CHFR: variants seen among roughly 807,000 people sequenced by gnomAD.
The protein encoded by CHFR is checkpoint with forkhead and ring finger domains, also known as E3 ubiquitin-protein ligase CHFR.
Under a neutral mutation model 87.6 loss-of-function variants are expected in CHFR, and 57 were observed. The ratio of observed to expected loss-of-function variants is 0.65; its 90% CI spans 0.53 to 0.81. CHFR has a LOEUF of 0.81. CHFR is among the 30% of genes least tolerant of loss of function. The probability of loss-of-function intolerance (pLI) is 0.00; values close to 1 mark genes in which losing one functional copy is unlikely to be tolerated. For missense variants in CHFR, 797 were observed against 865.8 expected, an observed-to-expected ratio of 0.92 and a Z score of 1.00; for synonymous variants, 381 against 359.2, an observed-to-expected ratio of 1.06 and a Z score of -0.69.
intron 2 of CHFR, among the ~76,000 whole-genome samples, chr12:132,879,415 G>T (rs1388500763): frequency 6.7e-6 from 1 of 149,462 alleles, no homozygotes; most frequent in Non-Finnish European, 1.5e-5. Flanking sequence ...TTTTGAGACG[G>T]AGTCTCTTTC....
At position 132,857,472 on chromosome 12, in the gene CHFR, G is replaced by A. The variant is rs115029653; in HGVS notation, c.999C>T (p.Pro333=). The change falls in exon 9 of 18, where the codon CCC becomes CCT. Residue 333 remains proline (P), a synonymous_variant. Coordinates refer to ENST00000450056, the MANE Select transcript of CHFR (RefSeq NM_001161346.2). ...RSSLCPTCRC[P]VERICKNHIL... ...TGTGGTTTTTACAGATCCGCTCCAC[G>A]GGACAGCGGCAGGTAGGACACAGGG... The A allele has an allele frequency of 1.1e-4, 184 of 1,614,182 alleles. No homozygotes were observed. In the East Asian group the frequency reaches 3.4e-3, roughly 30 times the overall value.
In CHFR at chr12:132,834,199, T is replaced by C. The variant is rs1950631983; in HGVS notation, c.*7355A>G. Reference sequence around the variant, plus strand: ...CTGGAAACAGCTCTCTTTGACAACATGAATCTGGGATGTTTGAACACCAAG... The same window carrying C: ...CTGGAAACAGCTCTCTTTGACAACACGAATCTGGGATGTTTGAACACCAAG... On this transcript the variant is annotated 3_prime_UTR_variant, in exon 18 of 18. Transcript: ENST00000450056. The C allele has an allele frequency of 6.6e-6, 1 of 152,220 alleles. No individual in the cohort carries two copies. Among genetic ancestry groups the C allele is most frequent in the Non-Finnish European group, 1.5e-5 (1 of 68,156 alleles). The allele number at this position is 152,220 out of a possible 1,614,324, so 9.4% of individuals were successfully genotyped here.
chr12:132,843,496 T>C (rs1341232895), intron 16 of CHFR, among the ~76,000 whole-genome samples: 1 of 152,034 alleles, frequency 6.6e-6, no homozygotes, highest in Non-Finnish European at 1.5e-5. Flanking sequence ...CCCAGTTGAC[T>C]ATTGGATGTC....
intron 4 of CHFR, among the ~76,000 whole-genome samples, chr12:132,871,168 G>A (rs1417516036): frequency 6.6e-6 from 1 of 152,210 alleles, no homozygotes; most frequent in East Asian, 1.9e-4. Flanking sequence ...TATTTCAGGG[G>A]TGGCCAGGTG....
chr12:132,845,467 AAT>A (rs1950798353), intron 15 of CHFR, among the ~76,000 whole-genome samples: 2 of 150,736 alleles, frequency 1.3e-5, no homozygotes, highest in Admixed American at 6.6e-5. Flanking sequence ...CAAAAAAAAA[AAT>A]AAATAAATAA....
chr12:132,835,671 C>CT lies in CHFR; in HGVS notation c.*5882_*5883insA. 1 of 225,670 alleles carries CT rather than the reference C, an allele frequency of 4.4e-6. No homozygotes were observed. The highest frequency in any genetic ancestry group is 9.0e-6 in the Non-Finnish European group (1 of 111,278). The allele number at this position is 225,670 out of a possible 1,614,324, so 14.0% of individuals were successfully genotyped here. A position where few individuals can be genotyped will look rare whatever the true frequency, so the allele number is the denominator to read the frequency against. On this transcript the variant is annotated 3_prime_UTR_variant, in exon 18 of 18. Transcript: ENST00000450056. ...GACACCCTGATCTCAGAGTTCCAGG[C>CT]CCCAGAACTGTGAGAAAATACTTTC...
At chr12:132,847,763 G>A (rs1950859145) in intron 14 of CHFR, 3 of 1,236,112 alleles carry the variant, frequency 2.4e-6, no homozygotes, top group Non-Finnish European at 3.1e-6. Flanking sequence ...TTGCTAAAGG[G>A]CGGCACCTTC....
chr12:132,887,073 T>G, intron 2 of CHFR, 123 bp downstream of exon 2: 1 of 779,686 alleles, frequency 1.3e-6, no homozygotes, highest in Non-Finnish European at 1.9e-6. Context: ...ATACCAGTTC[T>G]TACATGACAT....
At chr12:132,877,749 G>T in intron 2 of CHFR, 95 bp from the exon 3 acceptor site, 1 of 680,816 alleles carries the variant, frequency 1.5e-6, no homozygotes. Context: ...TCCAACTCAG[G>T]ATCCCCATTG....
chr12:132,852,147 ATT>A (rs373669694), intron 11 of CHFR, among the ~76,000 whole-genome samples: 8 of 143,534 alleles, frequency 5.6e-5, no homozygotes, highest in South Asian at 2.2e-4. Flanking sequence ...CGCCTGGCTA[ATT>A]TTTTTTTTTT....
In CHFR at chr12:132,859,292, G is replaced by A. The variant is rs1951160330; in HGVS notation, c.752-65C>T. The A allele has an allele frequency of 6.1e-6, 9 of 1,471,660 alleles. 1 individual carries two copies. The East Asian group carries it at 7.0e-5, about 12-fold the overall frequency. The allele number at this position is 1,471,660 out of a possible 1,614,324, so 91.2% of individuals were successfully genotyped here. A position where few individuals can be genotyped will look rare whatever the true frequency, so the allele number is the denominator to read the frequency against. ...GAAATACACGCAGGTTCAGGTCAAG[G>A]TCCCCGTCCACAGGAGAAAGGGATG... On this transcript the variant is annotated intron_variant, in intron 7 of 17. Coordinates refer to ENST00000450056, the MANE Select transcript of CHFR (RefSeq NM_001161346.2).
rs750405934 is a variant in CHFR, at chr12:132,859,032, C to T, written c.911+36G>A. On this transcript the variant is annotated intron_variant, in intron 8 of 17. Transcript: ENST00000450056. ...CACACGGGACGAAGAACCTGCAGTGCCATGTTCCGTGAGCCAAGGGTGAAC... is the reference window on the plus strand; with the variant it reads ...CACACGGGACGAAGAACCTGCAGTGTCATGTTCCGTGAGCCAAGGGTGAAC... 7 of 1,594,534 alleles carry T rather than the reference C, an allele frequency of 4.4e-6. No individual in the cohort carries two copies. The East Asian group carries it at 1.1e-4, about 26-fold the overall frequency.
chr12:132,870,819 C>T (rs1421327459), intron 4 of CHFR, 36 bp from the exon 5 acceptor site: 4 of 1,415,160 alleles, frequency 2.8e-6, no homozygotes, highest in Non-Finnish European at 3.0e-6. Context: ...AAAGTGGTGG[C>T]CCCTGTGCAA....
intron 3 of CHFR, among the ~76,000 whole-genome samples, chr12:132,873,096 C>A (rs1951528471): frequency 6.6e-6 from 1 of 152,186 alleles, no homozygotes; most frequent in Non-Finnish European, 1.5e-5. Context: ...ACCCGACACA[C>A]AAAACGGCAA....
At chr12:132,885,641 AATAACATGT>A (rs1055696996) in intron 2 of CHFR, among the ~76,000 whole-genome samples, 1 of 152,190 alleles carries the variant, frequency 6.6e-6, no homozygotes, top group Non-Finnish European at 1.5e-5. Context: ...CCTACCATGT[AATAACATGT>A]ATAACATGTT....
chr12:132,878,371 A>C (rs1951680278), intron 2 of CHFR, among the ~76,000 whole-genome samples: 2 of 151,686 alleles, frequency 1.3e-5, no homozygotes, highest in Admixed American at 1.3e-4. Context: ...TGGGAGGCTG[A>C]GGCAGGAGAA....
chr12:132,881,042 G>A (rs1280935407), intron 2 of CHFR, among the ~76,000 whole-genome samples: 5 of 152,090 alleles, frequency 3.3e-5, no homozygotes, highest in Non-Finnish European at 7.4e-5. Flanking sequence ...CAAGGCGGGC[G>A]GATCACTTCA....
At chr12:132,872,920 T>G (rs1350843788) in intron 3 of CHFR, among the ~76,000 whole-genome samples, 1 of 152,140 alleles carries the variant, frequency 6.6e-6, no homozygotes, top group Non-Finnish European at 1.5e-5. Context: ...CCAAGCCCCT[T>G]GAGGTACTCT....
rs1000559531 is a variant in CHFR at position 132,856,634 on chromosome 12, G to A, written c.1067-4C>T. On this transcript the variant is annotated splice_region_variant and splice_polypyrimidine_tract_variant and intron_variant, in intron 9 of 17. Coordinates refer to ENST00000450056, the MANE Select transcript of CHFR (RefSeq NM_001161346.2). ...TCTTCTTCACTGCGACTCTTGTCTAGAATTGAAAGGACACAGCGCCATTCA... is the reference window on the plus strand; with the variant it reads ...TCTTCTTCACTGCGACTCTTGTCTAAAATTGAAAGGACACAGCGCCATTCA... 3.7e-6 allele frequency: 6 copies of A among 1,613,656 alleles called. No homozygotes were observed. The East Asian group carries it at 1.3e-4, about 36-fold the overall frequency.
Sources: gnomAD v4.1 joint callset for allele counts (sites outside exome capture counted in the v4.1 genomes callset) on GRCh38, gnomAD v4.1.1 for gene constraint, MANE v1.5 for transcripts, NCBI Gene and HGNC (gene_info 2026-07-23, HGNC 2026-07-21) for gene names.